The following UNC13C variants were observed in gnomAD, a reference collection of about 807,000 sequenced individuals.
UNC13C encodes unc-13 homolog C.
UNC13C carries 174 observed loss-of-function variants against 245.4 expected under a neutral mutation model. That is an observed-to-expected ratio of 0.71 (90% CI 0.63 to 0.80). UNC13C has a LOEUF of 0.80. UNC13C is among the 30% of genes least tolerant of loss of function. The pLI, the probability that UNC13C is intolerant of heterozygous loss-of-function variation, is 0.00. For synonymous variants in UNC13C, 992 were observed against 895.1 expected, an observed-to-expected ratio of 1.11 and a Z score of -1.93; for missense variants, 2,829 against 2,602.9, an observed-to-expected ratio of 1.09 and a Z score of -1.89.
chr15:54,405,994 TG>T (rs5812758), intron 18 of UNC13C, among the ~76,000 whole-genome samples: 130,301 of 151,872 alleles, frequency 0.86, 55,973 homozygotes, highest in South Asian at 0.89. Flanking sequence ...GAGAGAAGTG[TG>T]GGGGGGGAAA....
chr15:54,229,427 A>G (rs1207934151), intron 4 of UNC13C, among the ~76,000 whole-genome samples: 2 of 152,150 alleles, frequency 1.3e-5, no homozygotes, highest in Non-Finnish European at 2.9e-5. Context: ...CTATTCAGCC[A>G]TGTTGCTCCA....
intron 2 of UNC13C, among the ~76,000 whole-genome samples, chr15:54,086,538 A>T (rs1899246874): frequency 1.3e-5 from 2 of 152,106 alleles, no homozygotes; most frequent in African/African-American, 4.8e-5. Context: ...TCCTTTAACA[A>T]AGGAAGAACA....
At chr15:54,505,744 C>CG (rs375652536) in intron 22 of UNC13C, among the ~76,000 whole-genome samples, 2,624 of 129,798 alleles carry the variant, frequency 0.02, 98 homozygotes, top group African/African-American at 0.073. Context: ...AAGCTATATT[C>CG]TTTTTTTTTT....
chr15:53,974,642 G>A (rs1156268260), upstream of UNC13C, among the ~76,000 whole-genome samples: 1 of 152,062 alleles, frequency 6.6e-6, no homozygotes, highest in Non-Finnish European at 1.5e-5. Flanking sequence ...GACAGAATTT[G>A]TTGAGCCTAA....
rs1436625864 is a variant in UNC13C at position 54,319,176 on chromosome 15, A to G, written c.4269-2763A>G. ...TTTCAAAATTGACTATGGCATTTCT[A>G]TATCTCTTCTTCCCCCTAGTTCTTT... On this transcript the variant is annotated intron_variant, in intron 13 of 32. Coordinates refer to ENST00000260323, the MANE Select transcript of UNC13C (RefSeq NM_001080534.3). Among the ~76,000 whole-genome samples the G allele has an allele frequency of 2.6e-5, 4 of 151,590 alleles. No homozygotes were observed. The East Asian group carries it at 5.9e-4, about 22-fold the overall frequency.
At chr15:54,490,814 G>C (rs556440306) in intron 19 of UNC13C, among the ~76,000 whole-genome samples, 65 of 152,218 alleles carry the variant, frequency 4.3e-4, no homozygotes, top group Middle Eastern at 6.8e-3. Context: ...ATCTTAAATA[G>C]TATCCCATTT....
At chr15:54,275,525 T>C (rs1332959119) in intron 10 of UNC13C, among the ~76,000 whole-genome samples, 1 of 152,176 alleles carries the variant, frequency 6.6e-6, no homozygotes, top group Non-Finnish European at 1.5e-5. Flanking sequence ...TTTGTTATTC[T>C]AGTTATTGCT....
At position 54,214,196 on chromosome 15, in the gene UNC13C, C is replaced by T. The variant is rs185902680; in HGVS notation, c.3072-20834C>T. Among the ~76,000 whole-genome samples the T allele has an allele frequency of 1.6e-3, 239 of 151,860 alleles. 5 individuals are homozygous for T. The highest frequency in any genetic ancestry group is 0.014 in the Admixed American group (218 of 15,186). ...TTCTTTTAAAATAATGAGACAACAA[C>T]GGAATAACAAACAACCAGAGCTTGG... On this transcript the variant is annotated intron_variant, in intron 4 of 32. Transcript: ENST00000260323.
rs373405230 is a variant in UNC13C at position 54,020,378 on chromosome 15, G to A, written c.2983+4492G>A. On this transcript the variant is annotated intron_variant, in intron 2 of 32. Transcript: ENST00000260323. ...CAACCTCCTCCTCCTGGGTTCAAGC[G>A]ATTCTCCTGCCTCAGCCTCCCGAGT... is the stretch of plus-strand genomic sequence containing the variant. Among the ~76,000 whole-genome samples the A allele has an allele frequency of 1.0e-4, 15 of 148,282 alleles. No homozygotes were observed. In the East Asian group the frequency reaches 1.2e-3, roughly 12 times the overall value.
intron 10 of UNC13C, among the ~76,000 whole-genome samples, chr15:54,288,597 C>G (rs1228455159): frequency 6.6e-6 from 1 of 151,804 alleles, no homozygotes; most frequent in Non-Finnish European, 1.5e-5. Flanking sequence ...AAGTCCATCT[C>G]TAGTTGCAGG....
At chr15:54,612,959 G>C (rs977806341) in intron 30 of UNC13C, among the ~76,000 whole-genome samples, 1 of 151,698 alleles carries the variant, frequency 6.6e-6, no homozygotes, top group African/African-American at 2.4e-5. Flanking sequence ...TAATTCAGTG[G>C]GGTCCTAATT....
intron 19 of UNC13C, among the ~76,000 whole-genome samples, chr15:54,418,830 A>G (rs1227621086): frequency 6.6e-6 from 1 of 152,148 alleles, no homozygotes; most frequent in Non-Finnish European, 1.5e-5. Flanking sequence ...GCCTCCTTTC[A>G]TCTTTACATT....
chr15:54,289,714 T>TG (rs1376395404), intron 10 of UNC13C, among the ~76,000 whole-genome samples: 4 of 152,040 alleles, frequency 2.6e-5, no homozygotes, highest in Non-Finnish European at 4.4e-5. Context: ...GACATTTCTT[T>TG]GGGGAAAACA....
intron 2 of UNC13C, among the ~76,000 whole-genome samples, chr15:54,107,466 G>T (rs1034641917): frequency 6.6e-6 from 1 of 152,152 alleles, no homozygotes; most frequent in African/African-American, 2.4e-5. Context: ...CCGGCATTGA[G>T]TTAGAATATA....
At chr15:54,183,525 T>C (rs1383467540) in intron 4 of UNC13C, among the ~76,000 whole-genome samples, 1 of 151,994 alleles carries the variant, frequency 6.6e-6, no homozygotes, top group Non-Finnish European at 1.5e-5. Context: ...CTATTTGCCA[T>C]GTGTGACTAT....
intron 19 of UNC13C, among the ~76,000 whole-genome samples, chr15:54,440,379 G>A (rs1890453116): frequency 6.6e-6 from 1 of 151,848 alleles, no homozygotes; most frequent in Non-Finnish European, 1.5e-5. Context: ...CACCTTTTTA[G>A]CTCCCATATA....
intron 18 of UNC13C, among the ~76,000 whole-genome samples, chr15:54,407,969 A>C (rs900492093): frequency 5.9e-5 from 9 of 151,958 alleles, no homozygotes; most frequent in African/African-American, 2.2e-4. Flanking sequence ...TGGGAGGCCA[A>C]GGTGGGCAGA....
the UNC13C span, among the ~76,000 whole-genome samples, chr15:53,876,891 C>A: frequency 6.6e-6 from 1 of 152,164 alleles, no homozygotes; most frequent in African/African-American, 2.4e-5. Flanking sequence ...TAACTATTGT[C>A]AACAGTTCCA....
At chr15:54,142,947 A>G in intron 2 of UNC13C, 71 bp from the exon 3 acceptor site, 7 of 1,289,506 alleles carry the variant, frequency 5.4e-6, no homozygotes, top group Non-Finnish European at 7.9e-6. Flanking sequence ...CTGTTCATGT[A>G]TATGTTTAAA....
Sources: gnomAD v4.1 joint callset for allele counts (sites outside exome capture counted in the v4.1 genomes callset) on GRCh38, gnomAD v4.1.1 for gene constraint, MANE v1.5 for transcripts, NCBI Gene and HGNC (gene_info 2026-07-23, HGNC 2026-07-21) for gene names.